Variants in STK10 observed in about 807,000 individuals in gnomAD.
STK10 encodes the protein serine/threonine-protein kinase 10.
In STK10, 78 loss-of-function variants were observed where a neutral mutation model predicts 113.8. The observed-to-expected ratio is 0.69, with a 90% CI of 0.57 to 0.83. The LOEUF (loss-of-function observed/expected upper bound fraction) is 0.83, where lower values mean the gene tolerates loss of function less well. STK10 is among the 40% of genes least tolerant of loss of function. STK10 has a pLI of 0.00. For missense variants in STK10, 1,109 were observed against 1,280.1 expected (o/e 0.87, Z 2.04); for synonymous variants, 465 against 494.7 (o/e 0.94, Z 0.80).
At chr5:172,169,564 T>G (rs539364571) in intron 1 of STK10, among the ~76,000 whole-genome samples, 7 of 151,784 alleles carry the variant, frequency 4.6e-5, no homozygotes, top group Admixed American at 2.0e-4. Context: ...GGAGAGTGAG[T>G]TGGCAGGGGC....
rs1489195002 is a variant in STK10, at chr5:172,188,083, G to T, written c.-41C>A. On this transcript the variant is annotated 5_prime_UTR_variant, in exon 1 of 19. Transcript: ENST00000176763. This position sits in a 1 kb window ranked among gnomAD's most constrained non-coding sequence, Gnocchi z 5.6. ...GGCGCCGGCTCGGGCTCGGGCTCGG[G>T]CTCGGGCTGTGGCTTCGGCGGCCGC... The T allele has an allele frequency of 6.3e-7, 1 of 1,597,044 alleles. No individual in the cohort carries two copies.
chr5:172,067,747 C>T (rs1046788231), intron 12 of STK10, among the ~76,000 whole-genome samples: 2 of 151,458 alleles, frequency 1.3e-5, no homozygotes, highest in Non-Finnish European at 2.9e-5. Flanking sequence ...CATTTGAAGA[C>T]TGATTAATAA....
chr5:172,090,935 TAAAAAAAAAAAAAAAAAAA>T (rs547251159), intron 9 of STK10, among the ~76,000 whole-genome samples: 5 of 46,142 alleles, frequency 1.1e-4, no homozygotes, highest in African/African-American at 4.8e-4. Flanking sequence ...ACTCCGTCTC[TAAAAAAAAAAAAAAAAAAA>T]AAAAAAAAAA....
chr5:172,093,907 ATT>A lies in STK10; in HGVS notation c.1057_1058del (p.Asn353CysfsTer2). ...NSSEVSPPSLNADKPLEESPS... is the reference protein window; with the variant it reads ...NSSEVSPPSLXADKPLEESPS... ...GTGACTCCTCGAGAGGCTTGTCAGC[ATT>A]GAGGCTTGGCGGACTCACCTCAGAG... On this transcript the variant is annotated frameshift_variant, in exon 9 of 19. Transcript: ENST00000176763. LOFTEE classifies it high-confidence loss of function. The surrounding 1 kb of genome is among the most constrained non-coding windows in gnomAD (Gnocchi z 4.1). 1 of 1,537,256 alleles carries A rather than the reference ATT, an allele frequency of 6.5e-7. No individual in the cohort carries two copies. The highest frequency in any genetic ancestry group is 8.8e-7 in the Non-Finnish European group (1 of 1,140,166).
Position 172,082,873 on chromosome 5 carries a change from T to C in STK10, c.1809+88A>G. ...GCAATTGTTGTGAATTACTCTCCAC[T>C]ACCCAATCATTCCCACTATGTAGCT... is the stretch of plus-strand genomic sequence containing the variant. On this transcript the variant is annotated intron_variant, in intron 11 of 18. Transcript: ENST00000176763. The surrounding 1 kb of genome is among the most constrained non-coding windows in gnomAD (Gnocchi z 4.3). 2.6e-6 allele frequency: 4 copies of C among 1,559,378 alleles called. No homozygotes were observed. The highest frequency in any genetic ancestry group is 3.5e-6 in the Non-Finnish European group (4 of 1,153,990).
intron 2 of STK10, among the ~76,000 whole-genome samples, chr5:172,135,310 T>C (rs1769829475): frequency 6.6e-6 from 1 of 151,928 alleles, no homozygotes; most frequent in Non-Finnish European, 1.5e-5. Flanking sequence ...GTCAGGAGTT[T>C]GAGACAGCCT....
chr5:172,156,562 G>A (rs1006555407), intron 2 of STK10, 62 bp downstream of exon 2: 28 of 1,558,484 alleles, frequency 1.8e-5, no homozygotes, highest in Admixed American at 9.0e-5. Flanking sequence ...TTCAGGACCA[G>A]GCTAGCTCCA....
chr5:172,069,562 T>A (rs1768134960), intron 12 of STK10, among the ~76,000 whole-genome samples: 1 of 152,142 alleles, frequency 6.6e-6, no homozygotes, highest in Admixed American at 6.5e-5. Flanking sequence ...GAGGGCACTC[T>A]GGGCAACATA....
At chr5:172,115,016 G>A (rs1561813537) in intron 4 of STK10, 2 of 152,294 alleles carry the variant, frequency 1.3e-5, no homozygotes, top group African/African-American at 4.8e-5. Flanking sequence ...CTGGGCCTGT[G>A]CGATTCTCAC....
At position 172,120,273 on chromosome 5, in the gene STK10, C is replaced by T. The variant is rs1769484239; in HGVS notation, c.371-2643G>A. Among the ~76,000 whole-genome samples, 1 of 152,200 alleles carries T rather than the reference C, an allele frequency of 6.6e-6. No individual in the cohort carries two copies. The highest frequency in any genetic ancestry group is 1.5e-5 in the Non-Finnish European group (1 of 68,020). ...CCTACAACAGCACTGCTGTGTCCGGCTTGCCTAGTGGTGCCTGGACAGGAA... is the reference window on the plus strand; with the variant it reads ...CCTACAACAGCACTGCTGTGTCCGGTTTGCCTAGTGGTGCCTGGACAGGAA... On this transcript the variant is annotated intron_variant, in intron 3 of 18. Coordinates refer to ENST00000176763, the MANE Select transcript of STK10 (RefSeq NM_005990.4). The surrounding 1 kb of genome is among the most constrained non-coding windows in gnomAD (Gnocchi z 4.0).
At chr5:172,185,876 A>C (rs1770947247) in intron 1 of STK10, among the ~76,000 whole-genome samples, 1 of 152,220 alleles carries the variant, frequency 6.6e-6, no homozygotes, top group Non-Finnish European at 1.5e-5. Context: ...GCAAAGGAGG[A>C]CAGCAAGTCG....
chr5:172,173,413 G>C (rs890653377), intron 1 of STK10, among the ~76,000 whole-genome samples: 11 of 152,204 alleles, frequency 7.2e-5, no homozygotes, highest in African/African-American at 2.4e-4. Context: ...GTTGGGCCTG[G>C]GCTCCCAGAC....
At chr5:172,106,413 A>AAAAAAAAAAAAAAAAAAAAAAAAAAAC (rs1769109435) in intron 6 of STK10, among the ~76,000 whole-genome samples, 1 of 145,158 alleles carries the variant, frequency 6.9e-6, no homozygotes, top group Non-Finnish European at 1.5e-5. Context: ...AAAAAAAAAA[A>AAAAAAAAAAAAAAAAAAAAAAAAAAAC]AAAAAGGAAC....
At chr5:172,151,766 T>G (rs1770238891) in intron 2 of STK10, among the ~76,000 whole-genome samples, 1 of 152,248 alleles carries the variant, frequency 6.6e-6, no homozygotes, top group Non-Finnish European at 1.5e-5. Flanking sequence ...TCTTGCTCAC[T>G]GATGAATCCC....
At chr5:172,167,142 G>C (rs1770585598) in intron 1 of STK10, among the ~76,000 whole-genome samples, 2 of 145,970 alleles carry the variant, frequency 1.4e-5, no homozygotes, top group Admixed American at 1.4e-4. Context: ...CCTGGGAACA[G>C]AGCAAGAATC....
intron 3 of STK10, among the ~76,000 whole-genome samples, chr5:172,122,520 A>C (rs1323013170): frequency 6.6e-6 from 1 of 152,232 alleles, no homozygotes; most frequent in Non-Finnish European, 1.5e-5. Context: ...CCTTCTCCTT[A>C]TTAAAAAAAC....
At chr5:172,113,449 A>G (rs1339367078) in intron 4 of STK10, among the ~76,000 whole-genome samples, 1 of 152,244 alleles carries the variant, frequency 6.6e-6, no homozygotes. Flanking sequence ...GGCTTTCCTC[A>G]GGGCTCTGAT....
At chr5:172,049,045 A>G (rs887734409) in intron 18 of STK10, among the ~76,000 whole-genome samples, 4 of 152,026 alleles carry the variant, frequency 2.6e-5, no homozygotes, top group African/African-American at 7.2e-5. Flanking sequence ...CTTAGACGAC[A>G]TCTTCCTGCC....
chr5:172,162,154 A>G (rs1249492886), intron 1 of STK10, among the ~76,000 whole-genome samples: 3 of 152,098 alleles, frequency 2.0e-5, no homozygotes, highest in African/African-American at 7.2e-5. Context: ...CAGCCTGACC[A>G]ACATGGTAAA....
Sources: allele counts gnomAD v4.1 joint callset (sites outside exome capture counted in the v4.1 genomes callset), GRCh38; gene constraint gnomAD v4.1.1; non-coding constraint Gnocchi (gnomAD v3.1); transcripts MANE v1.5; gene names NCBI Gene and HGNC (gene_info 2026-07-23, HGNC 2026-07-21).